Variants in GRM5 observed in about 807,000 individuals in gnomAD.
GRM5 encodes the protein glutamate metabotropic receptor 5.
GRM5 carries 19 observed loss-of-function variants against 83.1 expected under a neutral mutation model. The observed-to-expected ratio is 0.23, with a 90% confidence interval of 0.16 to 0.34. The LOEUF is 0.34. Among genes scored for constraint, GRM5 ranks in the 10% least tolerant of loss-of-function variants. The pLI is 1.00. For missense variants in GRM5, 1,160 were observed against 1,588.3 expected (o/e 0.73, Z 4.58); for synonymous variants, 675 against 633.6 (o/e 1.07, Z -0.98).
At chr11:88,748,299 C>T (rs1407921081) in intron 3 of GRM5, among the ~76,000 whole-genome samples, 1 of 152,112 alleles carries the variant, frequency 6.6e-6, no homozygotes, top group Admixed American at 6.6e-5. Flanking sequence ...GAAAGCCAAC[C>T]ATAGCTATAC....
chr11:88,686,307 T>C (rs890481702), intron 3 of GRM5, among the ~76,000 whole-genome samples: 1 of 152,160 alleles, frequency 6.6e-6, no homozygotes, highest in Non-Finnish European at 1.5e-5. Flanking sequence ...ATTTCTCCCA[T>C]TTGGAATGGC....
chr11:88,830,779 G>A lies in GRM5; in HGVS notation c.911+19127C>T, dbSNP rs573621532. Among the ~76,000 whole-genome samples the A allele has an allele frequency of 2.6e-5, 4 of 152,302 alleles. No individual in the cohort carries two copies. In the South Asian group the frequency reaches 6.2e-4, roughly 24 times the overall value. On this transcript the variant is annotated intron_variant, in intron 3 of 9. Coordinates refer to ENST00000305447, the MANE Select transcript of GRM5 (RefSeq NM_001143831.3). ...ATGCTGCTGATAAAGACATACCCAA[G>A]ACTGGGCAATTTACAAAAGGAAGAG...
intron 3 of GRM5, among the ~76,000 whole-genome samples, chr11:88,690,434 G>T (rs1037978351): frequency 1.3e-5 from 2 of 151,962 alleles, no homozygotes; most frequent in African/African-American, 4.8e-5. Context: ...CATTAAAATA[G>T]GATATTATGC....
chr11:88,653,449 A>G, intron 3 of GRM5, 46 bp from the exon 4 acceptor site: 1 of 1,278,458 alleles, frequency 7.8e-7, no homozygotes, highest in Non-Finnish European at 1.1e-6. Flanking sequence ...GATATCTCCT[A>G]AGCAAATGAG....
intron 2 of GRM5, chr11:89,008,958 A>G (rs1940606926): frequency 3.5e-6 from 2 of 576,642 alleles, no homozygotes; most frequent in Non-Finnish European, 6.4e-6. Flanking sequence ...TTTTAAAAAC[A>G]TAACTGACAA....
chr11:89,004,137 C>T (rs1010640364), intron 2 of GRM5, among the ~76,000 whole-genome samples: 30 of 151,668 alleles, frequency 2.0e-4, no homozygotes, highest in African/African-American at 6.6e-4. Context: ...CAGAGGTCTT[C>T]GCAAATTAAT....
chr11:88,791,763 A>G (rs924583036), intron 3 of GRM5, among the ~76,000 whole-genome samples: 1 of 152,158 alleles, frequency 6.6e-6, no homozygotes, highest in East Asian at 1.9e-4. Flanking sequence ...TTGTGGCATA[A>G]TCAGTATTGA....
intron 3 of GRM5, among the ~76,000 whole-genome samples, chr11:88,798,497 T>A (rs1017490181): frequency 6.6e-6 from 1 of 152,094 alleles, no homozygotes; most frequent in African/African-American, 2.4e-5. Flanking sequence ...TAAGAAAAGG[T>A]CTTAAATGAA....
chr11:88,703,639 C>A lies in GRM5; in HGVS notation c.912-50236G>T, dbSNP rs181033988. Among the ~76,000 whole-genome samples the A allele has an allele frequency of 5.2e-4, 79 of 152,130 alleles. No homozygotes were observed. The Middle Eastern group carries it at 0.017, about 33-fold the overall frequency. ...GGTAATTGAATCATAGGGGCGGTTA[C>A]CCTCACGATATTCTTGTGATAATCA... On this transcript the variant is annotated intron_variant, in intron 3 of 9. Transcript: ENST00000305447.
chr11:88,778,163 C>T (rs970053903), intron 3 of GRM5, among the ~76,000 whole-genome samples: 10 of 152,188 alleles, frequency 6.6e-5, no homozygotes, highest in Admixed American at 2.0e-4. Context: ...TCATCAATGG[C>T]GACACCCCTC....
chr11:88,718,192 A>G (rs1021376768), intron 3 of GRM5, among the ~76,000 whole-genome samples: 20 of 151,928 alleles, frequency 1.3e-4, no homozygotes, highest in South Asian at 4.1e-4. Context: ...ATACTCTTTC[A>G]CAAGTCAATG....
rs185971459 is a variant in GRM5 at position 88,619,441 on chromosome 11, C to T, written c.1148-14477G>A. On this transcript the variant is annotated intron_variant, in intron 4 of 9. Transcript: ENST00000305447. ...ACACTGGCTCCATATTCTCACATGGCAAATGCTCTGGACCCTGTCTCATCC... is the reference window on the plus strand; with the variant it reads ...ACACTGGCTCCATATTCTCACATGGTAAATGCTCTGGACCCTGTCTCATCC... Among the ~76,000 whole-genome samples the T allele has an allele frequency of 3.3e-3, 501 of 152,290 alleles. 2 individuals carry two copies. The highest frequency in any genetic ancestry group is 0.012 in the African/African-American group (482 of 41,562).
At chr11:88,532,630 T>C (rs1446534569) in intron 8 of GRM5, among the ~76,000 whole-genome samples, 1 of 152,150 alleles carries the variant, frequency 6.6e-6, no homozygotes, top group Non-Finnish European at 1.5e-5. Flanking sequence ...AATACCTCCA[T>C]GAATAAATGA....
chr11:89,058,340 G>A (rs7118021), intron 1 of GRM5, among the ~76,000 whole-genome samples: 22,874 of 152,122 alleles, frequency 0.15, 2,346 homozygotes, highest in Non-Finnish European at 0.24. Context: ...TGGTTGTTTA[G>A]CAGCACCCCT....
intron 2 of GRM5, among the ~76,000 whole-genome samples, chr11:89,045,321 C>A (rs1591074377): frequency 2.0e-5 from 3 of 152,052 alleles, no homozygotes; most frequent in African/African-American, 7.2e-5. Flanking sequence ...AAATATTCCA[C>A]CTCATTTCTT....
Position 88,509,297 on chromosome 11 carries a change from G to A in GRM5, c.2934C>T (p.Gly978=), listed in dbSNP as rs772583927. ...GGSAGGVGAT[G]GAGCAGAGPG... is the part of the protein sequence containing the mutation. ...GGCCGGCGCCTGCGCAGCCCGCACC[G>A]CCCGTGGCCCCCACGCCCCCAGCGC... The change falls in exon 10 of 10, where the codon GGC becomes GGT. Residue 978 remains glycine, a synonymous_variant. Coordinates refer to ENST00000305447, the MANE Select transcript of GRM5 (RefSeq NM_001143831.3). 9 of 1,506,428 alleles carry A rather than the reference G, an allele frequency of 6.0e-6. No individual in the cohort carries two copies. The highest frequency in any genetic ancestry group is 5.0e-5 in the South Asian group (4 of 80,246). The allele number at this position is 1,506,428 out of a possible 1,614,324, so 93.3% of individuals were successfully genotyped here.
intron 8 of GRM5, among the ~76,000 whole-genome samples, chr11:88,528,016 C>T (rs1183891976): frequency 6.6e-6 from 1 of 151,854 alleles, no homozygotes; most frequent in Non-Finnish European, 1.5e-5. Context: ...AAATAATCTG[C>T]ATATTATACC....
intron 4 of GRM5, among the ~76,000 whole-genome samples, chr11:88,612,265 A>G (rs1487127303): frequency 2.0e-5 from 3 of 149,394 alleles, no homozygotes; most frequent in Non-Finnish European, 3.0e-5. Flanking sequence ...ATGATTTCCA[A>G]TTTCATCCAT....
intron 8 of GRM5, among the ~76,000 whole-genome samples, chr11:88,565,717 C>T (rs1211277688): frequency 1.3e-5 from 2 of 152,118 alleles, no homozygotes; most frequent in Non-Finnish European, 2.9e-5. Context: ...GTGTACAGAC[C>T]ATGACATTGC....
Sources: gnomAD v4.1 joint callset for allele counts (sites outside exome capture counted in the v4.1 genomes callset) on GRCh38, gnomAD v4.1.1 for gene constraint, MANE v1.5 for transcripts, NCBI Gene and HGNC (gene_info 2026-07-23, HGNC 2026-07-21) for gene names.